The following PIK3CB variants were observed in gnomAD, a reference collection of about 807,000 sequenced individuals.
The protein encoded by PIK3CB is phosphatidylinositol-4,5-bisphosphate 3-kinase catalytic subunit beta.
Under a neutral mutation model 136.8 loss-of-function variants are expected in PIK3CB, and 39 were observed. That is an observed-to-expected ratio of 0.29 (90% confidence interval 0.22 to 0.37). The LOEUF is 0.37. Among genes scored for constraint, PIK3CB ranks in the 10% least tolerant of loss-of-function variants. The probability of loss-of-function intolerance (pLI) is 1.00; values close to 1 mark genes in which losing one functional copy is unlikely to be tolerated. For missense variants in PIK3CB, 868 were observed against 1,275.4 expected (o/e 0.68, Z 4.87); for synonymous variants, 428 against 436.6 (o/e 0.98, Z 0.25).
chr3:138,820,625 T>C (rs1160599191), intron 1 of PIK3CB, among the ~76,000 whole-genome samples: 2 of 152,056 alleles, frequency 1.3e-5, no homozygotes, highest in Non-Finnish European at 2.9e-5. Context: ...TCCCAAGTAG[T>C]TCAGATTACA....
intron 1 of PIK3CB, among the ~76,000 whole-genome samples, chr3:138,806,306 C>A (rs887454765): frequency 6.6e-6 from 1 of 151,938 alleles, no homozygotes; most frequent in Non-Finnish European, 1.5e-5. Flanking sequence ...GCCAACATGG[C>A]AAAACCTCGT....
At chr3:138,744,226 T>C (rs912022005) in intron 4 of PIK3CB, among the ~76,000 whole-genome samples, 19 of 150,932 alleles carry the variant, frequency 1.3e-4, no homozygotes, top group Non-Finnish European at 2.8e-4. Flanking sequence ...ACCCCATCTC[T>C]ACTAAAAATA....
At chr3:138,665,330 T>C (rs2043385766) in intron 19 of PIK3CB, 127 bp from the exon 20 acceptor site, 1 of 586,946 alleles carries the variant, frequency 1.7e-6, no homozygotes, top group African/African-American at 1.9e-5. Flanking sequence ...TACTATATTA[T>C]TGTCATATGG....
At chr3:138,830,054 G>A (rs1430439837) in intron 1 of PIK3CB, among the ~76,000 whole-genome samples, 1 of 152,120 alleles carries the variant, frequency 6.6e-6, no homozygotes, top group Non-Finnish European at 1.5e-5. Context: ...AAGAATACAG[G>A]TAGAGAAAGG....
chr3:138,821,013 A>G (rs891065246), intron 1 of PIK3CB, among the ~76,000 whole-genome samples: 2 of 152,014 alleles, frequency 1.3e-5, no homozygotes, highest in African/African-American at 2.4e-5. Flanking sequence ...GGGGCTGGGC[A>G]CGGTGGCTCA....
intron 2 of PIK3CB, among the ~76,000 whole-genome samples, chr3:138,787,083 A>T (rs1030009416): frequency 6.6e-6 from 1 of 152,236 alleles, no homozygotes; most frequent in Admixed American, 6.5e-5. Flanking sequence ...GTAAACATCC[A>T]TACATATTAA....
chr3:138,674,215 C>T (rs946708426), intron 19 of PIK3CB, among the ~76,000 whole-genome samples: 1 of 151,826 alleles, frequency 6.6e-6, no homozygotes, highest in Admixed American at 6.6e-5. Flanking sequence ...GGTCTGTGTA[C>T]ATGCAAAGGA....
At chr3:138,696,173 AT>A in intron 13 of PIK3CB, among the ~76,000 whole-genome samples, 1 of 150,548 alleles carries the variant, frequency 6.6e-6, no homozygotes, top group Non-Finnish European at 1.5e-5. Context: ...TAATTTTTAA[AT>A]TTTAACCTTT....
At chr3:138,830,951 T>TAATAAA (rs1296095982) in intron 1 of PIK3CB, among the ~76,000 whole-genome samples, 2 of 138,084 alleles carry the variant, frequency 1.4e-5, no homozygotes, top group Non-Finnish European at 3.1e-5. Context: ...ATAATAATAA[T>TAATAAA]AAAGCAGGAA....
intron 5 of PIK3CB, among the ~76,000 whole-genome samples, chr3:138,739,017 T>C (rs1021890584): frequency 2.6e-5 from 4 of 152,204 alleles, no homozygotes; most frequent in African/African-American, 9.6e-5. Context: ...ATAGACTGAA[T>C]GTTTGTGTCT....
chr3:138,827,179 A>G (rs73229595), intron 1 of PIK3CB, among the ~76,000 whole-genome samples: 17 of 152,326 alleles, frequency 1.1e-4, no homozygotes, highest in Non-Finnish European at 2.4e-4. Context: ...CAAGACCAAA[A>G]TTCAAGGCCT....
chr3:138,826,933 G>C (rs774457263), intron 1 of PIK3CB, among the ~76,000 whole-genome samples: 1 of 152,094 alleles, frequency 6.6e-6, no homozygotes, highest in Non-Finnish European at 1.5e-5. Flanking sequence ...GCTGGGCGTG[G>C]TTGTGGGCAC....
intron 1 of PIK3CB, among the ~76,000 whole-genome samples, chr3:138,832,594 G>A (rs1488692938): frequency 2.0e-5 from 3 of 151,786 alleles, no homozygotes; most frequent in African/African-American, 7.3e-5. Context: ...TTGGGAGGCC[G>A]AGGCGGGCGG....
chr3:138,658,905 G>A (rs1480568616), intron 21 of PIK3CB, among the ~76,000 whole-genome samples: 3 of 152,204 alleles, frequency 2.0e-5, no homozygotes, highest in African/African-American at 7.2e-5. Flanking sequence ...TTTCCAGACA[G>A]TCAGGTAATC....
Position 138,714,544 on chromosome 3 carries a change from T to A in PIK3CB, c.1226A>T (p.Asp409Val). The change falls in exon 9 of 24, where the codon GAT becomes GTT. Residue 409 changes from aspartate to valine, a missense_variant. Asp to Val is a radical substitution (Grantham distance 152). Around this residue, in one of 4 missense-constraint regions of PIK3CB, gnomAD observed 612 missense variants for 801.1 expected, o/e 0.76. Transcript: ENST00000674063. ...RLCFAVYAVL[D>V]KVKTKKSTKT... ...CGTTGATTTCTTCGTTTTTACTTTA[T>A]CCAAAACTGCATAAACAGCAAAACA... is the stretch of plus-strand genomic sequence containing the variant. The A allele has an allele frequency of 6.2e-7, 1 of 1,612,722 alleles. No homozygotes were observed. Among genetic ancestry groups the A allele is most frequent in the Non-Finnish European group, 8.5e-7 (1 of 1,178,754 alleles).
intron 1 of PIK3CB, among the ~76,000 whole-genome samples, chr3:138,827,276 C>T (rs1933823392): frequency 6.6e-6 from 1 of 152,128 alleles, no homozygotes; most frequent in African/African-American, 2.4e-5. Context: ...AATTCACACT[C>T]GTTTTTGTCA....
chr3:138,749,915 C>A (rs2045435221), intron 4 of PIK3CB, among the ~76,000 whole-genome samples: 1 of 152,084 alleles, frequency 6.6e-6, no homozygotes, highest in Non-Finnish European at 1.5e-5. Context: ...ACTCTGTCGC[C>A]CAGGCTGGAG....
In PIK3CB at chr3:138,812,016, A is replaced by C. The variant is rs147315866; in HGVS notation, c.-121-15449T>G. Among the ~76,000 whole-genome samples, 24 of 152,200 alleles carry C rather than the reference A, an allele frequency of 1.6e-4. 1 individual carries two copies. The East Asian group carries it at 4.7e-3, about 30-fold the overall frequency. Reference sequence around the variant, plus strand: ...TGAGGCCAGAGGATTGCTTGAGCTCAAGAGTTTGAGGCTGCAGTGAGTTAT... The same window carrying C: ...TGAGGCCAGAGGATTGCTTGAGCTCCAGAGTTTGAGGCTGCAGTGAGTTAT... On this transcript the variant is annotated intron_variant, in intron 1 of 23. Coordinates refer to ENST00000674063, the MANE Select transcript of PIK3CB (RefSeq NM_006219.3).
intron 2 of PIK3CB, among the ~76,000 whole-genome samples, chr3:138,767,046 T>C (rs2045740159): frequency 6.6e-6 from 1 of 151,978 alleles, no homozygotes; most frequent in Non-Finnish European, 1.5e-5. Context: ...TGGTGGCACA[T>C]GCCTGCAATC....
Sources: allele counts gnomAD v4.1 joint callset (sites outside exome capture counted in the v4.1 genomes callset), GRCh38; gene constraint gnomAD v4.1.1; regional missense constraint gnomAD v4.1.1; transcripts MANE v1.5; gene names NCBI Gene and HGNC (gene_info 2026-07-23, HGNC 2026-07-21).